PCDHGA5: variants seen among roughly 807,000 people sequenced by gnomAD.
PCDHGA5 encodes protocadherin gamma-A5.
Under a neutral mutation model 56.7 loss-of-function variants are expected in PCDHGA5, and 36 were observed. That is an observed-to-expected ratio of 0.64 (90% CI 0.49 to 0.84). The LOEUF (loss-of-function observed/expected upper bound fraction) is 0.84, where lower values mean the gene tolerates loss of function less well. PCDHGA5 is among the 40% of genes least tolerant of loss of function. The pLI is 0.00. For synonymous variants in PCDHGA5, 563 were observed against 520.2 expected (o/e 1.08, Z -1.12); for missense variants, 1,305 against 1,201.5 (o/e 1.09, Z -1.27).
intron 1 of PCDHGA5, chr5:141,374,477 C>T (rs376389009): frequency 7.4e-6 from 12 of 1,611,808 alleles, no homozygotes; most frequent in Non-Finnish European, 9.3e-6. Context: ...CAATACACCC[C>T]GATTCTTAAA....
In PCDHGA5 at chr5:141,387,872, G is replaced by T. The variant is rs1436610477; in HGVS notation, c.2421+21121G>T. ...TCTCCAGGCTGGTGAGCAAGCTGAG[G>T]AGAGCAAGAGGGATGGGGAGCGGCG... is the stretch of plus-strand genomic sequence containing the variant. On this transcript the variant is annotated intron_variant, in intron 1 of 3. Coordinates refer to ENST00000518069, the MANE Select transcript of PCDHGA5 (RefSeq NM_018918.3). The T allele has an allele frequency of 1.8e-5, 28 of 1,588,586 alleles. No homozygotes were observed. In the Admixed American group the frequency reaches 4.7e-4, roughly 26 times the overall value.
intron 1 of PCDHGA5, chr5:141,394,434 C>A (rs985055027): frequency 6.2e-7 from 1 of 1,614,248 alleles, no homozygotes; most frequent in East Asian, 2.2e-5. Flanking sequence ...CGGGGACCCG[C>A]CCCTCAGCAG....
At chr5:141,381,261 C>G (rs1221626643) in intron 1 of PCDHGA5, among the ~76,000 whole-genome samples, 2 of 152,248 alleles carry the variant, frequency 1.3e-5, no homozygotes, top group Non-Finnish European at 2.9e-5. Flanking sequence ...AATTTACAAA[C>G]CAAGACTGTT....
intron 1 of PCDHGA5, chr5:141,389,762 A>C (rs778570717): frequency 1.2e-6 from 2 of 1,612,968 alleles, no homozygotes; most frequent in Non-Finnish European, 1.7e-6. Flanking sequence ...AAGTGCGCAC[A>C]GCGCGTGCCT....
chr5:141,478,590 A>T, intron 1 of PCDHGA5: 1 of 1,573,342 alleles, frequency 6.4e-7, no homozygotes, highest in South Asian at 1.1e-5. Flanking sequence ...GTGCTTTTTT[A>T]TTCCTACATC....
intron 1 of PCDHGA5, among the ~76,000 whole-genome samples, chr5:141,407,218 G>A (rs1056826116): frequency 1.3e-5 from 2 of 152,108 alleles, no homozygotes; most frequent in Admixed American, 6.5e-5. Flanking sequence ...CCTTAAGTGG[G>A]TAGCAAAAAA....
intron 2 of PCDHGA5, among the ~76,000 whole-genome samples, chr5:141,499,234 A>G (rs1294400331): frequency 6.6e-6 from 1 of 152,008 alleles, no homozygotes; most frequent in Non-Finnish European, 1.5e-5. Flanking sequence ...AGCTGTCCCC[A>G]GCCTCTGCAC....
intron 1 of PCDHGA5, chr5:141,415,215 C>A: frequency 6.2e-7 from 1 of 1,614,106 alleles, no homozygotes; most frequent in South Asian, 1.1e-5. Flanking sequence ...CGGACCTCGG[C>A]AGCTTCGAGT....
chr5:141,423,749 T>TG, intron 1 of PCDHGA5: 2 of 272,262 alleles, frequency 7.3e-6, no homozygotes, highest in Non-Finnish European at 4.7e-6. Flanking sequence ...TGAAAACTGT[T>TG]TGGGGGGGGG....
At chr5:141,488,687 GA>G (rs1238909682) in intron 1 of PCDHGA5, among the ~76,000 whole-genome samples, 1 of 152,192 alleles carries the variant, frequency 6.6e-6, no homozygotes, top group East Asian at 1.9e-4. Flanking sequence ...GCCTCTCCCA[GA>G]AGGACAAGAT....
intron 1 of PCDHGA5, among the ~76,000 whole-genome samples, chr5:141,456,166 G>A (rs531975607): frequency 6.6e-6 from 1 of 152,148 alleles, no homozygotes; most frequent in African/African-American, 2.4e-5. Flanking sequence ...TAAAGTGCTG[G>A]GATTACAGAA....
chr5:141,399,704 T>A, intron 1 of PCDHGA5: 1 of 1,613,424 alleles, frequency 6.2e-7, no homozygotes, highest in Non-Finnish European at 8.5e-7. Context: ...ACCTTCGAAC[T>A]CACACTACAG....
rs768383792 is a variant in PCDHGA5 at position 141,476,155 on chromosome 5, C to A, written c.2422-18652C>A. 1.2e-6 allele frequency: 2 copies of A among 1,612,382 alleles called. No homozygotes were observed. Among genetic ancestry groups the A allele is most frequent in the Non-Finnish European group, 1.7e-6 (2 of 1,179,764 alleles). On this transcript the variant is annotated intron_variant, in intron 1 of 3. Coordinates refer to ENST00000518069, the MANE Select transcript of PCDHGA5 (RefSeq NM_018918.3). This position sits in a 1 kb window ranked among gnomAD's most constrained non-coding sequence, Gnocchi z 7.6. ...CCTGGAGGAGCGGACTGGTAAGCAC[C>A]GGGAGGGTAGTGGGAGTTTTGCTTC... is the stretch of plus-strand genomic sequence containing the variant.
intron 1 of PCDHGA5, chr5:141,441,694 G>A (rs1443778772): frequency 2.3e-5 from 7 of 301,140 alleles, no homozygotes; most frequent in Non-Finnish European, 2.6e-5. Context: ...GAGCAGCCGC[G>A]AGCCTTCAAG....
chr5:141,414,181 A>G, intron 1 of PCDHGA5: 2 of 1,609,294 alleles, frequency 1.2e-6, no homozygotes, highest in South Asian at 1.1e-5. Context: ...TGCAACTGCA[A>G]AAGTGTTGAT....
At chr5:141,419,432 C>A (rs2096381830) in intron 1 of PCDHGA5, 1 of 1,613,160 alleles carries the variant, frequency 6.2e-7, no homozygotes, top group Non-Finnish European at 8.5e-7. Flanking sequence ...CCACGAGCAG[C>A]TGCGCACCTT....
At chr5:141,415,562 CT>C in intron 1 of PCDHGA5, 3 of 1,613,960 alleles carry the variant, frequency 1.9e-6, no homozygotes, top group Non-Finnish European at 1.7e-6. Context: ...GATCCTTTGT[CT>C]TTGTTAGATG....
chr5:141,392,268 A>G (rs2150475407), intron 1 of PCDHGA5: 1 of 152,374 alleles, frequency 6.6e-6, no homozygotes, highest in South Asian at 2.1e-4. Context: ...GACATTTACA[A>G]TAAAGCTTAG....
At chr5:141,418,742 G>GA in intron 1 of PCDHGA5, 1 of 1,613,896 alleles carries the variant, frequency 6.2e-7, no homozygotes, top group Non-Finnish European at 8.5e-7. Flanking sequence ...GTTCTCTCTG[G>GA]ATTACACTAC....
Sources: gnomAD v4.1 joint callset for allele counts (sites outside exome capture counted in the v4.1 genomes callset) on GRCh38, gnomAD v4.1.1 for gene constraint, Gnocchi (gnomAD v3.1) non-coding constraint, MANE v1.5 for transcripts, NCBI Gene and HGNC (gene_info 2026-07-23, HGNC 2026-07-21) for gene names.